Variants in PDE4D observed in about 807,000 individuals in gnomAD.
PDE4D encodes 3',5'-cyclic-AMP phosphodiesterase 4D.
A neutral mutation model predicts 87.4 loss-of-function variants in PDE4D; 24 were observed. The observed-to-expected ratio is 0.27, with a 90% CI of 0.20 to 0.39. The LOEUF is 0.39. Among genes scored for constraint, PDE4D ranks in the 10% least tolerant of loss-of-function variants. The pLI, the probability that PDE4D is intolerant of heterozygous loss-of-function variation, is 1.00. For synonymous variants in PDE4D, 384 were observed against 383.2 expected (o/e 1.00, Z -0.02); for missense variants, 714 against 1,041.0 (o/e 0.69, Z 4.32).
At chr5:59,530,326 C>T (rs565909627) in intron 1 of PDE4D, among the ~76,000 whole-genome samples, 17 of 152,010 alleles carry the variant, frequency 1.1e-4, no homozygotes, top group South Asian at 4.2e-4. Flanking sequence ...AGGATACAAA[C>T]CCATGAAACT....
At chr5:60,051,988 C>A (rs981760135) in intron 2 of PDE4D, among the ~76,000 whole-genome samples, 1 of 152,200 alleles carries the variant, frequency 6.6e-6, no homozygotes, top group Admixed American at 6.5e-5. Context: ...AAGACTAAAT[C>A]AGGAAGAAAT....
intron 1 of PDE4D, among the ~76,000 whole-genome samples, chr5:60,350,236 A>C (rs1361674976): frequency 6.6e-6 from 1 of 152,206 alleles, no homozygotes; most frequent in African/African-American, 2.4e-5. Context: ...CCTATCAGTC[A>C]GTCTTGAGAC....
intron 1 of PDE4D, among the ~76,000 whole-genome samples, chr5:59,365,614 T>A (rs754570716): frequency 6.6e-6 from 1 of 152,182 alleles, no homozygotes; most frequent in Non-Finnish European, 1.5e-5. Context: ...ATTCTTTCTA[T>A]TCTGTTAAAG....
chr5:59,774,689 C>CTTT (rs71604800), intron 1 of PDE4D, among the ~76,000 whole-genome samples: 23 of 132,418 alleles, frequency 1.7e-4, no homozygotes, highest in African/African-American at 5.6e-4. Context: ...TTTCTTTTTT[C>CTTT]TTTTTTTTTT....
At chr5:60,266,550 G>A (rs756761644) in intron 1 of PDE4D, among the ~76,000 whole-genome samples, 48 of 152,194 alleles carry the variant, frequency 3.2e-4, no homozygotes, top group Non-Finnish European at 5.6e-4. Flanking sequence ...GTCTGTGCCT[G>A]AGAGGATGCT....
chr5:59,825,384 AGCAT>A (rs1770201315), intron 1 of PDE4D, among the ~76,000 whole-genome samples: 1 of 152,194 alleles, frequency 6.6e-6, no homozygotes, highest in African/African-American at 2.4e-5. Flanking sequence ...AGAAGAATAC[AGCAT>A]GCCATGTCTG....
At chr5:60,271,019 G>A (rs544502793) in intron 1 of PDE4D, among the ~76,000 whole-genome samples, 2 of 152,268 alleles carry the variant, frequency 1.3e-5, no homozygotes, top group South Asian at 4.1e-4. Context: ...AGAGGAAGTT[G>A]ATGTTCTCTT....
At chr5:59,940,034 A>C (rs367888903) in intron 3 of PDE4D, among the ~76,000 whole-genome samples, 49 of 152,320 alleles carry the variant, frequency 3.2e-4, no homozygotes, top group African/African-American at 1.1e-3. Context: ...AAGGAAGTCC[A>C]TAACAGAGAG....
At chr5:59,236,729 C>CTGT (rs1756523199) in intron 1 of PDE4D, among the ~76,000 whole-genome samples, 1 of 151,702 alleles carries the variant, frequency 6.6e-6, no homozygotes, top group Admixed American at 6.6e-5. Flanking sequence ...TTCAACACCA[C>CTGT]TTTCTACGCT....
intron 1 of PDE4D, among the ~76,000 whole-genome samples, chr5:59,418,656 T>TTG (rs1263824548): frequency 6.6e-6 from 1 of 151,202 alleles, no homozygotes; most frequent in African/African-American, 2.5e-5. Context: ...CAATTTTTTT[T>TTG]TTGTTTTTTT....
intron 1 of PDE4D, among the ~76,000 whole-genome samples, chr5:59,719,368 G>C (rs1194485322): frequency 6.6e-6 from 1 of 152,124 alleles, no homozygotes; most frequent in East Asian, 1.9e-4. Context: ...ACACAGATAC[G>C]ATGGACTACA....
chr5:60,380,618 CTT>C (rs1316029046), intron 1 of PDE4D, among the ~76,000 whole-genome samples: 1 of 152,192 alleles, frequency 6.6e-6, no homozygotes, highest in African/African-American at 2.4e-5. Context: ...AAATAACTCT[CTT>C]GTTTTAGCAA....
chr5:60,126,500 G>A (rs762231282), intron 2 of PDE4D, among the ~76,000 whole-genome samples: 8 of 151,848 alleles, frequency 5.3e-5, no homozygotes, highest in Admixed American at 2.6e-4. Context: ...AATGAAATGG[G>A]AATAAATTAA....
chr5:60,302,542 A>T (rs867912816), intron 1 of PDE4D, among the ~76,000 whole-genome samples: 1 of 152,018 alleles, frequency 6.6e-6, no homozygotes, highest in Admixed American at 6.5e-5. Flanking sequence ...AATTGTGTTT[A>T]TTTGATCCTT....
At chr5:60,044,832 C>T (rs1381869809) in intron 2 of PDE4D, among the ~76,000 whole-genome samples, 7 of 152,270 alleles carry the variant, frequency 4.6e-5, no homozygotes, top group African/African-American at 1.7e-4. Context: ...CATACGTGTG[C>T]ATGTGTCTTT....
At chr5:59,240,946 T>C (rs140896087) in intron 1 of PDE4D, among the ~76,000 whole-genome samples, 9 of 152,304 alleles carry the variant, frequency 5.9e-5, no homozygotes, top group African/African-American at 2.2e-4. Context: ...ATTTAGTCTC[T>C]TTAAATTTCA....
intron 1 of PDE4D, among the ~76,000 whole-genome samples, chr5:59,858,086 G>C (rs1403309095): frequency 6.6e-6 from 1 of 152,028 alleles, no homozygotes; most frequent in Admixed American, 6.6e-5. Context: ...GTTTCCATAT[G>C]GGACTCTTTC....
intron 1 of PDE4D, among the ~76,000 whole-genome samples, chr5:60,306,337 G>GA (rs1252361021): frequency 2.0e-5 from 3 of 151,500 alleles, no homozygotes; most frequent in East Asian, 1.9e-4. Context: ...GACTCAAAAG[G>GA]AAAAAAACAC....
chr5:59,056,473 T>G (rs528441121), intron 5 of PDE4D, among the ~76,000 whole-genome samples: 1 of 152,292 alleles, frequency 6.6e-6, no homozygotes, highest in South Asian at 2.1e-4. Context: ...GGGATACATG[T>G]GCAGAACGTG....
Sources: gnomAD v4.1 joint callset for allele counts (sites outside exome capture counted in the v4.1 genomes callset) on GRCh38, gnomAD v4.1.1 for gene constraint, MANE v1.5 for transcripts, NCBI Gene and HGNC (gene_info 2026-07-23, HGNC 2026-07-21) for gene names.